YTHDC2: variants seen among roughly 807,000 people sequenced by gnomAD.
YTHDC2 encodes the protein YTH N6-methyladenosine RNA binding protein C2.
A neutral mutation model predicts 174.9 loss-of-function variants in YTHDC2; 45 were observed. That is an observed-to-expected ratio of 0.26 (90% CI 0.20 to 0.33). The LOEUF is 0.33. Ranked by LOEUF, YTHDC2 falls within the 10% of genes least tolerant of loss-of-function variation. The probability of loss-of-function intolerance (pLI) is 1.00; values close to 1 mark genes in which losing one functional copy is unlikely to be tolerated. For missense variants in YTHDC2, 1,650 were observed against 1,723.7 expected, an observed-to-expected ratio of 0.96 and a Z score of 0.76; for synonymous variants, 657 against 574.5, an observed-to-expected ratio of 1.14 and a Z score of -2.05.
chr5:113,560,879 C>G (rs3763141), intron 17 of YTHDC2, among the ~76,000 whole-genome samples: 17,526 of 152,180 alleles, frequency 0.12, 1,137 homozygotes, highest in African/African-American at 0.14. Flanking sequence ...CTTCATGAAT[C>G]TCACTGTCTG....
At chr5:113,536,089 A>G (rs982253189) in intron 7 of YTHDC2, among the ~76,000 whole-genome samples, 1 of 152,202 alleles carries the variant, frequency 6.6e-6, no homozygotes, top group Admixed American at 6.5e-5. Flanking sequence ...TTATTGGTAG[A>G]TATCTTTGAA....
rs1774701719 is a variant in YTHDC2, at chr5:113,531,969, T to C, written c.676-910T>C. ...CTCCATGACTCAGCATTTTCACTACTAGTGATTTCACTGCTACTACATATA... is the reference window on the plus strand; with the variant it reads ...CTCCATGACTCAGCATTTTCACTACCAGTGATTTCACTGCTACTACATATA... On this transcript the variant is annotated intron_variant, in intron 4 of 29. Coordinates refer to ENST00000161863, the MANE Select transcript of YTHDC2 (RefSeq NM_022828.5). Among the ~76,000 whole-genome samples, 4 of 152,176 alleles carry C rather than the reference T, an allele frequency of 2.6e-5. No homozygotes were observed. The South Asian group carries it at 8.3e-4, about 31-fold the overall frequency.
chr5:113,538,274 A>G (rs138286885), intron 7 of YTHDC2, among the ~76,000 whole-genome samples: 64 of 152,228 alleles, frequency 4.2e-4, no homozygotes, highest in African/African-American at 1.4e-3. Context: ...TCCATTCTCC[A>G]TATTGCAGTC....
Position 113,513,904 on chromosome 5 carries a change from G to A in YTHDC2, c.9G>A (p.Arg3=). 6.2e-7 allele frequency: 1 copy of A among 1,603,850 alleles called. No individual in the cohort carries two copies. Among genetic ancestry groups the A allele is most frequent in the Non-Finnish European group, 8.5e-7 (1 of 1,176,150 alleles). The change falls in exon 1 of 30, where the codon AGG becomes AGA. Residue 3 remains arginine, a synonymous_variant. Coordinates refer to ENST00000161863, the MANE Select transcript of YTHDC2 (RefSeq NM_022828.5). ...ACCATCTCTTCAGGGCAATGTCCAG[G>A]CCGAGCAGCGTCTCCCCGCGGCAGC... is the stretch of plus-strand genomic sequence containing the variant. MS[R]PSSVSPRQPA...
intron 28 of YTHDC2, 183 bp from the exon 29 acceptor site, chr5:113,593,120 A>G (rs913768337): frequency 1.9e-5 from 8 of 415,360 alleles, no homozygotes; most frequent in African/African-American, 1.6e-4. Flanking sequence ...TAAATCTGGA[A>G]GTCAACTCCA....
intron 17 of YTHDC2, chr5:113,556,367 C>G (rs1776612947): frequency 3.3e-6 from 1 of 302,880 alleles, no homozygotes. Context: ...ATGTAAGAAG[C>G]TTAAAAAACA....
chr5:113,594,020 T>G lies in YTHDC2; in HGVS notation c.*546T>G, dbSNP rs1340244073. Reference sequence around the variant, plus strand: ...GTGTGTGCTAACTAAGGGCTATTCATTCTGCCATTTTTAACTTGAGACACA... The same window carrying G: ...GTGTGTGCTAACTAAGGGCTATTCAGTCTGCCATTTTTAACTTGAGACACA... On this transcript the variant is annotated 3_prime_UTR_variant, in exon 30 of 30. Coordinates refer to ENST00000161863, the MANE Select transcript of YTHDC2 (RefSeq NM_022828.5). 6.6e-6 allele frequency: 1 copy of G among 152,192 alleles called. No individual in the cohort carries two copies. Among genetic ancestry groups the G allele is most frequent in the African/African-American group, 2.4e-5 (1 of 41,452 alleles). The allele number at this position is 152,192 out of a possible 1,614,324, so 9.4% of individuals were successfully genotyped here. A position where few individuals can be genotyped will look rare whatever the true frequency, so the allele number is the denominator to read the frequency against.
rs551411836 is a variant in YTHDC2 at position 113,554,851 on chromosome 5, A to T, written c.2133+829A>T. ...CGCTGAAAAAATGAAAGTGGTAAAG[A>T]TAATTGATTTTTCAAGGGAAGACAT... On this transcript the variant is annotated intron_variant, in intron 16 of 29. Coordinates refer to ENST00000161863, the MANE Select transcript of YTHDC2 (RefSeq NM_022828.5). Among the ~76,000 whole-genome samples the T allele has an allele frequency of 5.9e-5, 9 of 152,172 alleles. No individual in the cohort carries two copies. In the South Asian group the frequency reaches 1.9e-3, roughly 32 times the overall value.
chr5:113,571,467 GGTATCA>G (rs1177016299), intron 23 of YTHDC2, among the ~76,000 whole-genome samples: 1 of 152,152 alleles, frequency 6.6e-6, no homozygotes, highest in East Asian at 1.9e-4. Flanking sequence ...GTCAGGCTTT[GGTATCA>G]GTATGATGCT....
chr5:113,581,891 T>G (rs2112794126), intron 25 of YTHDC2, 182 bp downstream of exon 25: 1 of 455,162 alleles, frequency 2.2e-6, no homozygotes, highest in Non-Finnish European at 3.6e-6. Context: ...TTCTAAGTAT[T>G]AAGGTAATAT....
At chr5:113,548,027 C>T (rs1776006925) in intron 10 of YTHDC2, among the ~76,000 whole-genome samples, 1 of 152,008 alleles carries the variant, frequency 6.6e-6, no homozygotes, top group Non-Finnish European at 1.5e-5. Flanking sequence ...CAGTGTTAAT[C>T]CCATTAAGTG....
rs921238835 is a variant in YTHDC2 at position 113,557,271 on chromosome 5, T to C, written c.2216+1137T>C. Among the ~76,000 whole-genome samples, 10 of 152,326 alleles carry C rather than the reference T, an allele frequency of 6.6e-5. No homozygotes were observed. In the East Asian group the frequency reaches 1.3e-3, roughly 21 times the overall value. On this transcript the variant is annotated intron_variant, in intron 17 of 29. Transcript: ENST00000161863. The stretch of plus-strand genomic sequence containing the variant: ...TTTCAAAAGATAACATTAAAAAGTA[T>C]CATTTTCAGTAAATATTTATCTTGC...
chr5:113,563,609 T>A, intron 19 of YTHDC2, 117 bp downstream of exon 19: 5 of 1,149,740 alleles, frequency 4.3e-6, no homozygotes, highest in Non-Finnish European at 6.0e-6. Context: ...CTCCTGCATG[T>A]GTCCAGATAA....
At position 113,553,615 on chromosome 5, in the gene YTHDC2, A is replaced by G; in HGVS notation, c.1893A>G (p.Gly631=). The G allele has an allele frequency of 6.2e-7, 1 of 1,613,452 alleles. No individual in the cohort carries two copies. Among genetic ancestry groups the G allele is most frequent in the Non-Finnish European group, 8.5e-7 (1 of 1,179,548 alleles). The change falls in exon 14 of 30, where the codon GGA becomes GGG. Residue 631 remains glycine (G), a synonymous_variant. Transcript: ENST00000161863. ...GTGCAGTACTAATTTTTCTGCCTGG[A>G]TATGACGAAATTGTTGGACTGAGAG... The part of the protein sequence containing the change: ...DAGAVLIFLP[G]YDEIVGLRDR...
chr5:113,570,070 C>T (rs1331381756), intron 23 of YTHDC2, among the ~76,000 whole-genome samples: 1 of 151,844 alleles, frequency 6.6e-6, no homozygotes, highest in Non-Finnish European at 1.5e-5. Context: ...TAGCTGTATT[C>T]CTAGGTATTT....
At chr5:113,587,760 T>C (rs1387781417) in intron 26 of YTHDC2, among the ~76,000 whole-genome samples, 2 of 151,322 alleles carry the variant, frequency 1.3e-5, no homozygotes, top group East Asian at 1.9e-4. Flanking sequence ...TGTACTTTCA[T>C]ATAAACTTTA....
At chr5:113,549,288 C>A (rs1776093204) in intron 12 of YTHDC2, among the ~76,000 whole-genome samples, 2 of 152,016 alleles carry the variant, frequency 1.3e-5, no homozygotes, top group South Asian at 4.1e-4. Flanking sequence ...TTCTCAAAAC[C>A]TCACTAAAAT....
At chr5:113,588,048 T>G (rs1778789717) in intron 26 of YTHDC2, among the ~76,000 whole-genome samples, 1 of 152,140 alleles carries the variant, frequency 6.6e-6, no homozygotes, top group African/African-American at 2.4e-5. Flanking sequence ...CAGGTATTCA[T>G]TGTTAGTATA....
At chr5:113,554,687 A>G (rs1192610701) in intron 16 of YTHDC2, among the ~76,000 whole-genome samples, 1 of 152,002 alleles carries the variant, frequency 6.6e-6, no homozygotes, top group Non-Finnish European at 1.5e-5. Context: ...ACCCTCTCAA[A>G]GCCTAAAATA....
Sources: allele counts gnomAD v4.1 joint callset (sites outside exome capture counted in the v4.1 genomes callset), GRCh38; gene constraint gnomAD v4.1.1; transcripts MANE v1.5; gene names NCBI Gene and HGNC (gene_info 2026-07-23, HGNC 2026-07-21).